Variants in ELAVL2 observed in about 807,000 individuals in gnomAD.
The protein encoded by ELAVL2 is ELAV like RNA binding protein 2, also known as ELAV-like protein 2.
ELAVL2 carries 4 observed loss-of-function variants against 34.6 expected under a neutral mutation model. The ratio of observed to expected loss-of-function variants is 0.12; its 90% CI spans 0.06 to 0.26. The LOEUF (loss-of-function observed/expected upper bound fraction) is 0.26, where lower values mean the gene tolerates loss of function less well. Among genes scored for constraint, ELAVL2 ranks in the 10% least tolerant of loss-of-function variants. The pLI is 1.00. For missense variants in ELAVL2, 432 were observed against 442.8 expected (o/e 0.98, Z 0.22); for synonymous variants, 193 against 154.8 (o/e 1.25, Z -1.83).
Position 23,741,798 on chromosome 9 carries a change from C to T in ELAVL2, c.230-10673G>A, listed in dbSNP as rs187417200. On this transcript the variant is annotated intron_variant, in intron 2 of 6. Coordinates refer to ENST00000397312, the MANE Select transcript of ELAVL2 (RefSeq NM_004432.5). ...TACCTTTCTCCCTTTGAAAGCCCTACGGTAAATTTTTAAATTGAAGATGGT... is the reference window on the plus strand; with the variant it reads ...TACCTTTCTCCCTTTGAAAGCCCTATGGTAAATTTTTAAATTGAAGATGGT... Among the ~76,000 whole-genome samples the T allele has an allele frequency of 9.2e-5, 14 of 152,260 alleles. No individual in the cohort carries two copies. In the East Asian group the frequency reaches 1.7e-3, roughly 19 times the overall value.
At chr9:23,779,871 G>A (rs1564430517) in intron 1 of ELAVL2, among the ~76,000 whole-genome samples, 1 of 151,378 alleles carries the variant, frequency 6.6e-6, no homozygotes, top group African/African-American at 2.4e-5. Flanking sequence ...GTTTTATAGG[G>A]CACATTAAAT....
At chr9:23,768,552 C>A (rs189042051) in intron 1 of ELAVL2, among the ~76,000 whole-genome samples, 389 of 151,864 alleles carry the variant, frequency 2.6e-3, no homozygotes, top group African/African-American at 8.1e-3. Flanking sequence ...GTATTTCAAA[C>A]CAGAAGTAAT....
At chr9:23,719,372 C>T (rs1045146367) in intron 3 of ELAVL2, among the ~76,000 whole-genome samples, 5 of 152,088 alleles carry the variant, frequency 3.3e-5, no homozygotes, top group Admixed American at 2.6e-4. Flanking sequence ...GTGTTTTTAC[C>T]CCTCACCTTC....
rs185658962 is a variant in ELAVL2 at position 23,691,414 on chromosome 9, C to G, written c.*1143G>C. ...TTGCTGCAGTACAAATCATGTGCAA[C>G]GTCTTTTTTCCTTAAGACAAAACAA... On this transcript the variant is annotated 3_prime_UTR_variant, in exon 7 of 7. Transcript: ENST00000397312. The G allele has an allele frequency of 2.6e-5, 4 of 152,516 alleles. No individual in the cohort carries two copies. The highest frequency in any genetic ancestry group is 9.7e-5 in the African/African-American group (4 of 41,434). The allele number at this position is 152,516 out of a possible 1,614,324, so 9.4% of individuals were successfully genotyped here.
intron 3 of ELAVL2, among the ~76,000 whole-genome samples, chr9:23,720,012 A>G (rs1457237077): frequency 6.6e-6 from 1 of 151,810 alleles, no homozygotes; most frequent in Admixed American, 6.6e-5. Context: ...TTTTAAGTAG[A>G]GACGTGGTTT....
chr9:23,830,625 C>CA (rs1554774159), upstream of ELAVL2, among the ~76,000 whole-genome samples: 4,114 of 141,908 alleles, frequency 0.029, 78 homozygotes, highest in Non-Finnish European at 0.044. Context: ...CACACACACA[C>CA]CTTTTTTTTT....
At chr9:23,727,858 G>A (rs985525867) in intron 3 of ELAVL2, among the ~76,000 whole-genome samples, 5 of 151,982 alleles carry the variant, frequency 3.3e-5, no homozygotes, top group South Asian at 2.1e-4. Flanking sequence ...GGGAGCCCCA[G>A]GAGAAACTGC....
chr9:23,783,138 G>A (rs2059280497), intron 1 of ELAVL2, among the ~76,000 whole-genome samples: 1 of 152,186 alleles, frequency 6.6e-6, no homozygotes, highest in African/African-American at 2.4e-5. Flanking sequence ...TCCAATACCT[G>A]TGAAAGGTAG....
intron 3 of ELAVL2, among the ~76,000 whole-genome samples, chr9:23,708,791 A>G (rs549952482): frequency 4.7e-4 from 72 of 151,926 alleles, no homozygotes; most frequent in African/African-American, 1.7e-3. Flanking sequence ...ACAGGCATGT[A>G]CCACCACACT....
At chr9:23,833,180 A>T in the ELAVL2 span, among the ~76,000 whole-genome samples, 10 of 151,840 alleles carry the variant, frequency 6.6e-5, no homozygotes, top group Admixed American at 6.6e-4. Context: ...ATTATTTTCC[A>T]TAAAGTTATA....
rs1002317571 is a variant in ELAVL2, at chr9:23,754,394, T to C, written c.229+7612A>G. Among the ~76,000 whole-genome samples the C allele has an allele frequency of 5.9e-5, 9 of 152,234 alleles. No homozygotes were observed. The East Asian group carries it at 1.2e-3, about 20-fold the overall frequency. ...GTTAACTGGGAATTAACTTACTGAATGGTGAAAAGGTCCAGATTTGCCACC... is the reference window on the plus strand; with the variant it reads ...GTTAACTGGGAATTAACTTACTGAACGGTGAAAAGGTCCAGATTTGCCACC... On this transcript the variant is annotated intron_variant, in intron 2 of 6. Coordinates refer to ENST00000397312, the MANE Select transcript of ELAVL2 (RefSeq NM_004432.5).
chr9:23,750,102 C>T (rs2051535962), intron 2 of ELAVL2, among the ~76,000 whole-genome samples: 2 of 151,612 alleles, frequency 1.3e-5, no homozygotes, highest in South Asian at 4.2e-4. Context: ...ATTAGACATC[C>T]TCCTTACTTT....
At chr9:23,775,541 C>T (rs2058050600) in intron 1 of ELAVL2, among the ~76,000 whole-genome samples, 1 of 152,170 alleles carries the variant, frequency 6.6e-6, no homozygotes, top group African/African-American at 2.4e-5. Flanking sequence ...CAGGCTTGCC[C>T]CTTTCTCCAA....
intron 1 of ELAVL2, among the ~76,000 whole-genome samples, chr9:23,794,662 C>G (rs1264829748): frequency 6.6e-6 from 1 of 152,124 alleles, no homozygotes; most frequent in Non-Finnish European, 1.5e-5. Context: ...TAAAATTACA[C>G]AAAGCTTGTA....
chr9:23,805,381 C>T (rs1588677340), intron 1 of ELAVL2, among the ~76,000 whole-genome samples: 1 of 152,154 alleles, frequency 6.6e-6, no homozygotes, highest in Admixed American at 6.6e-5. Flanking sequence ...AAATAAAAGC[C>T]TTCATTAACA....
At chr9:23,718,664 T>C (rs756041485) in intron 3 of ELAVL2, among the ~76,000 whole-genome samples, 2 of 152,178 alleles carry the variant, frequency 1.3e-5, no homozygotes, top group Non-Finnish European at 2.9e-5. Flanking sequence ...TACACATATT[T>C]TGTGGGGCTG....
the ELAVL2 span, among the ~76,000 whole-genome samples, chr9:23,837,537 G>A: frequency 6.6e-6 from 1 of 152,090 alleles, no homozygotes; most frequent in Non-Finnish European, 1.5e-5. Flanking sequence ...TTACAGATAA[G>A]GAAACTGAGG....
rs186554815 is a variant in ELAVL2 at position 23,759,941 on chromosome 9, T to C, written c.229+2065A>G. Among the ~76,000 whole-genome samples the C allele has an allele frequency of 3.0e-3, 447 of 151,394 alleles. 3 individuals are homozygous for C. The highest frequency in any genetic ancestry group is 8.2e-3 in the Admixed American group (124 of 15,160). ...CATTACATCCTTCCCCTCAAGCCAC[T>C]GAAAAGACAACAGGCAGGGGTCAGA... On this transcript the variant is annotated intron_variant, in intron 2 of 6. Coordinates refer to ENST00000397312, the MANE Select transcript of ELAVL2 (RefSeq NM_004432.5).
chr9:23,706,151 C>T (rs2039265629), intron 3 of ELAVL2, among the ~76,000 whole-genome samples: 1 of 152,192 alleles, frequency 6.6e-6, no homozygotes, highest in Non-Finnish European at 1.5e-5. Flanking sequence ...CTATAATTAA[C>T]TTTGCCTGCC....
Sources: allele counts gnomAD v4.1 joint callset (sites outside exome capture counted in the v4.1 genomes callset), GRCh38; gene constraint gnomAD v4.1.1; transcripts MANE v1.5; gene names NCBI Gene and HGNC (gene_info 2026-07-23, HGNC 2026-07-21).